Variants in CUX1 observed in about 807,000 individuals in gnomAD.
The protein encoded by CUX1 is protein CASP.
Under a neutral mutation model 158.8 loss-of-function variants are expected in CUX1, and 31 were observed. The ratio of observed to expected loss-of-function variants is 0.20; its 90% confidence interval spans 0.15 to 0.26. The LOEUF is 0.26. CUX1 is among the 10% of genes least tolerant of loss of function. The probability of loss-of-function intolerance (pLI) is 1.00; values close to 1 mark genes in which losing one functional copy is unlikely to be tolerated. For synonymous variants in CUX1, 879 were observed against 862.1 expected (o/e 1.02, Z -0.34); for missense variants, 1,589 against 2,014.6 (o/e 0.79, Z 4.04).
chr7:102,236,752 C>G (rs554670428), intron 22 of CUX1, among the ~76,000 whole-genome samples: 2 of 152,302 alleles, frequency 1.3e-5, no homozygotes, highest in South Asian at 4.1e-4. Flanking sequence ...GCCCTGACAA[C>G]CCAACTCCCT....
At chr7:101,951,586 A>T (rs1327392929) in intron 2 of CUX1, among the ~76,000 whole-genome samples, 1 of 151,714 alleles carries the variant, frequency 6.6e-6, no homozygotes, top group Non-Finnish European at 1.5e-5. Flanking sequence ...GCTCACTGCA[A>T]GCTCCGCCTC....
At chr7:102,280,857 C>T (rs1191463166) in exon 20 of CUX1, 2 of 1,612,000 alleles carry the variant, frequency 1.2e-6, no homozygotes, top group Admixed American at 3.3e-5. Context: ...CCACCCTCAG[C>T]ATGGTGAGTC....
intron 1 of CUX1, among the ~76,000 whole-genome samples, chr7:101,859,103 C>T (rs1156698292): frequency 1.3e-5 from 2 of 152,198 alleles, no homozygotes; most frequent in Admixed American, 6.5e-5. Flanking sequence ...AGCTCGACTT[C>T]AGGCTATAGT....
chr7:102,130,052 G>T (rs530820555), intron 8 of CUX1, among the ~76,000 whole-genome samples: 1 of 152,290 alleles, frequency 6.6e-6, no homozygotes, highest in African/African-American at 2.4e-5. Flanking sequence ...TTTCCTTCAC[G>T]GCTTGTTTGC....
At chr7:102,270,715 G>A (rs1791155300) in intron 14 of CUX1, among the ~76,000 whole-genome samples, 1 of 152,236 alleles carries the variant, frequency 6.6e-6, no homozygotes, top group Non-Finnish European at 1.5e-5. Flanking sequence ...AGTGCCCAGA[G>A]CATCTGCAGC....
At chr7:102,098,007 G>A (rs1307604858) in intron 5 of CUX1, among the ~76,000 whole-genome samples, 5 of 152,240 alleles carry the variant, frequency 3.3e-5, no homozygotes, top group African/African-American at 1.2e-4. Flanking sequence ...CTCTTGGTGT[G>A]TTTGCCCAGC....
At chr7:102,238,117 G>C (rs1554533495) in intron 22 of CUX1, among the ~76,000 whole-genome samples, 2 of 152,230 alleles carry the variant, frequency 1.3e-5, no homozygotes, top group African/African-American at 4.8e-5. Flanking sequence ...TAGGCCTCCA[G>C]ATAACTGCGG....
rs782019916 is a variant in CUX1 at position 102,170,454 on chromosome 7, G to C, written c.732G>C (p.Glu244Asp). 6.3e-7 allele frequency: 1 copy of C among 1,585,258 alleles called. No homozygotes were observed. The highest frequency in any genetic ancestry group is 8.6e-7 in the Non-Finnish European group (1 of 1,165,070). The change falls in exon 10 of 24, where the codon GAG becomes GAC. Residue 244 changes from glutamate to aspartate, a missense_variant. Transcript: ENST00000292535. ...CTTTTCATTTCCTTCAGAGGGCAGAGGTGGCTCAGAGAGAGGCGGAGACCT... is the reference window on the plus strand; with the variant it reads ...CTTTTCATTTCCTTCAGAGGGCAGACGTGGCTCAGAGAGAGGCGGAGACCT... ...TDLERANQRA[E>D]VAQREAETLR... is the part of the protein sequence containing the mutation.
chr7:102,128,984 G>A (rs1274122591), intron 8 of CUX1, among the ~76,000 whole-genome samples: 2 of 151,184 alleles, frequency 1.3e-5, no homozygotes, highest in African/African-American at 4.9e-5. Flanking sequence ...AAAAAAAAAA[G>A]AGAAAAGAAT....
intron 1 of CUX1, among the ~76,000 whole-genome samples, chr7:101,850,759 T>G (rs1339491667): frequency 6.6e-6 from 1 of 152,148 alleles, no homozygotes; most frequent in Non-Finnish European, 1.5e-5. Context: ...ACTGATGTGT[T>G]TTATGAGACA....
At chr7:102,236,975 T>C (rs1554533092) in intron 22 of CUX1, among the ~76,000 whole-genome samples, 1 of 152,098 alleles carries the variant, frequency 6.6e-6, no homozygotes. Flanking sequence ...TCTTCACTCC[T>C]GGGGGTGCCG....
rs57287691 is a variant in CUX1, at chr7:101,921,440, T to TTTAA, written c.141+5217_141+5218insAATT. The stretch of plus-strand genomic sequence containing the variant: ...TGGGGAATTTCTATGTTTTATTTTA[T>TTTAA]TTTATTTATTTATTTATTTATTTAT... On this transcript the variant is annotated intron_variant, in intron 2 of 23. Transcript: ENST00000292535. 4.8e-3 allele frequency among the ~76,000 whole-genome samples: 726 copies of TTTAA among 150,094 alleles called. 9 individuals are homozygous for TTTAA. The highest frequency in any genetic ancestry group is 0.017 in the African/African-American group (684 of 40,882).
chr7:102,189,781 T>C, intron 11 of CUX1, 32 bp from the exon 12 acceptor site: 1 of 1,613,000 alleles, frequency 6.2e-7, no homozygotes, highest in African/African-American at 1.3e-5. Flanking sequence ...TTGTCAGGCA[T>C]GGCCACTGAT....
At chr7:102,145,595 C>T (rs1190279514) in intron 8 of CUX1, among the ~76,000 whole-genome samples, 5 of 152,132 alleles carry the variant, frequency 3.3e-5, no homozygotes, top group African/African-American at 1.2e-4. Flanking sequence ...AATTTCATGG[C>T]TCCTCCTGTA....
Position 102,180,274 on chromosome 7 carries a change from G to A in CUX1, c.1017+1617G>A, listed in dbSNP as rs1389108607. On this transcript the variant is annotated intron_variant, in intron 11 of 23. Transcript: ENST00000292535. ...CTGACCTCAGGTGATCACCAGCCTC[G>A]GCCTCCCAAAGTGCTGGGATTACAG... Among the ~76,000 whole-genome samples the A allele has an allele frequency of 4.0e-5, 6 of 150,986 alleles. No individual in the cohort carries two copies. In the South Asian group the frequency reaches 1.1e-3, roughly 26 times the overall value.
chr7:101,880,789 G>A (rs1473983681), intron 1 of CUX1, among the ~76,000 whole-genome samples: 6 of 152,198 alleles, frequency 3.9e-5, no homozygotes, highest in African/African-American at 1.4e-4. Flanking sequence ...TGGGGTTCAC[G>A]TGATGAAACA....
At chr7:102,030,263 C>T (rs575464620) in intron 3 of CUX1, among the ~76,000 whole-genome samples, 2 of 152,110 alleles carry the variant, frequency 1.3e-5, no homozygotes, top group Non-Finnish European at 2.9e-5. Context: ...CCGCCCGCTT[C>T]GACCTCCCAA....
chr7:101,886,202 C>CT lies in CUX1; in HGVS notation c.31-29904dup, dbSNP rs529791600. Among the ~76,000 whole-genome samples, 483 of 151,352 alleles carry CT rather than the reference C, an allele frequency of 3.2e-3. 1 individual carries two copies. Among genetic ancestry groups the CT allele is most frequent in the African/African-American group, 9.7e-3 (401 of 41,284 alleles). On this transcript the variant is annotated intron_variant, in intron 1 of 23. Coordinates refer to ENST00000292535, the MANE Select transcript of CUX1 (RefSeq NM_181552.4). ...CTGCCTTCCATAGGACTGCCTTTTT[C>CT]TTTTTTTTTGAGACAGGTTCTCACT...
chr7:102,022,706 C>CAA (rs1323709345), intron 2 of CUX1, among the ~76,000 whole-genome samples: 1 of 152,038 alleles, frequency 6.6e-6, no homozygotes, highest in African/African-American at 2.4e-5. Context: ...GCTGTGTACT[C>CAA]AAAGGAGAGG....
Sources: allele counts gnomAD v4.1 joint callset (sites outside exome capture counted in the v4.1 genomes callset), GRCh38; gene constraint gnomAD v4.1.1; transcripts MANE v1.5; gene names NCBI Gene and HGNC (gene_info 2026-07-23, HGNC 2026-07-21).